ATP6V0E1: variants seen among roughly 807,000 people sequenced by gnomAD.
The protein encoded by ATP6V0E1 is ATPase H+ transporting V0 subunit e1.
In ATP6V0E1, 4 loss-of-function variants were observed where a neutral mutation model predicts 11.6. That is an observed-to-expected ratio of 0.35 (90% CI 0.17 to 0.79). The LOEUF (loss-of-function observed/expected upper bound fraction) is 0.79. ATP6V0E1 is among the 30% of genes least tolerant of loss of function. ATP6V0E1 has a pLI of 0.54. For missense variants in ATP6V0E1, 105 were observed against 100.0 expected, an observed-to-expected ratio of 1.05 and a Z score of -0.21; for synonymous variants, 36 against 34.8, an observed-to-expected ratio of 1.04 and a Z score of -0.13.
chr5:173,022,174 T>C (rs1260257252), intron 3 of ATP6V0E1, among the ~76,000 whole-genome samples: 1 of 152,246 alleles, frequency 6.6e-6, no homozygotes, highest in East Asian at 1.9e-4. Flanking sequence ...TTGTTTTCAT[T>C]ATTTTGTTAA....
intron 3 of ATP6V0E1, among the ~76,000 whole-genome samples, chr5:173,026,995 T>C (rs934159897): frequency 6.7e-6 from 1 of 149,146 alleles, no homozygotes; most frequent in Non-Finnish European, 1.5e-5. Context: ...GCTAACGCAG[T>C]GAAACCCCAT....
intron 3 of ATP6V0E1, 89 bp downstream of exon 3, chr5:173,020,456 A>G (rs1028859537): frequency 2.7e-6 from 2 of 753,104 alleles, no homozygotes; most frequent in Middle Eastern, 2.4e-4. Flanking sequence ...CCATTTTAAC[A>G]CGTGGCAAGG....
chr5:172,992,459 T>G (rs1369651379), intron 1 of ATP6V0E1, among the ~76,000 whole-genome samples: 3 of 152,240 alleles, frequency 2.0e-5, no homozygotes, highest in Non-Finnish European at 4.4e-5. Flanking sequence ...TTGCTCTGTG[T>G]CAGCCACACA....
chr5:172,997,745 G>A (rs112014188), intron 2 of ATP6V0E1, among the ~76,000 whole-genome samples: 108 of 151,860 alleles, frequency 7.1e-4, no homozygotes, highest in Admixed American at 3.2e-3. Context: ...CCCCGGAGGC[G>A]GAGCTTGCAG....
chr5:173,019,445 C>T (rs1304637537), intron 2 of ATP6V0E1, among the ~76,000 whole-genome samples: 2 of 151,952 alleles, frequency 1.3e-5, no homozygotes, highest in African/African-American at 4.8e-5. Context: ...GTCCCAGCTA[C>T]TCGGGAGGCT....
chr5:173,026,002 ATT>A (rs1050899722), intron 3 of ATP6V0E1, among the ~76,000 whole-genome samples: 1 of 144,004 alleles, frequency 6.9e-6, no homozygotes, highest in African/African-American at 2.6e-5. Context: ...AAATAATAAT[ATT>A]TTTTTTTTTT....
Position 173,003,986 on chromosome 5 carries a change from T to C in ATP6V0E1, c.152+9164T>C, listed in dbSNP as rs375209248. The stretch of plus-strand genomic sequence containing the variant: ...CCTGTACTGCACAGGACAGCCTCAC[T>C]TTCCCCTAGTGAAGAATTATGCAGC... On this transcript the variant is annotated intron_variant, in intron 2 of 3. Coordinates refer to ENST00000519374, the MANE Select transcript of ATP6V0E1 (RefSeq NM_003945.4). Among the ~76,000 whole-genome samples, 15 of 152,274 alleles carry C rather than the reference T, an allele frequency of 9.9e-5. No homozygotes were observed. In the East Asian group the frequency reaches 2.5e-3, roughly 26 times the overall value.
intron 1 of ATP6V0E1, among the ~76,000 whole-genome samples, chr5:172,985,138 G>A (rs1046820868): frequency 6.6e-6 from 1 of 151,588 alleles, no homozygotes; most frequent in East Asian, 1.9e-4. Flanking sequence ...CCAGCTACTC[G>A]GGAGGCTGAG....
chr5:173,019,573 A>G (rs960671156), intron 2 of ATP6V0E1, among the ~76,000 whole-genome samples: 2 of 151,968 alleles, frequency 1.3e-5, no homozygotes, highest in African/African-American at 4.8e-5. Context: ...AAAACCCTGA[A>G]GTAAGATGTG....
At chr5:172,988,349 GA>G (rs1354743394) in intron 1 of ATP6V0E1, among the ~76,000 whole-genome samples, 5 of 152,354 alleles carry the variant, frequency 3.3e-5, no homozygotes, top group Non-Finnish European at 7.3e-5. Flanking sequence ...CTCCTAGGAA[GA>G]GTTGCTATAA....
chr5:172,983,973 G>T lies in ATP6V0E1; in HGVS notation c.104+9G>T, dbSNP rs1156743825. 2.5e-6 allele frequency: 4 copies of T among 1,611,410 alleles called. No individual in the cohort carries two copies. Among genetic ancestry groups the T allele is most frequent in the Non-Finnish European group, 3.4e-6 (4 of 1,179,078 alleles). On this transcript the variant is annotated intron_variant, in intron 1 of 3. Coordinates refer to ENST00000519374, the MANE Select transcript of ATP6V0E1 (RefSeq NM_003945.4). ...AAGGGTCCTAACCGGGGGTAAGTGC[G>T]TGAGGCCCGCCTTGGGAGGAACGGG...
At position 172,994,781 on chromosome 5, in the gene ATP6V0E1, C is replaced by G. The variant is rs746297351; in HGVS notation, c.111C>G (p.Ile37Met). The change falls in exon 2 of 4, where the codon ATC (isoleucine) becomes ATG (methionine). Residue 37 changes from isoleucine (I) to methionine (M), a missense_variant. Transcript: ENST00000519374. Reference protein sequence around the residue: ...FIPKGPNRGVIITMLVTCSVC... With the variant: ...FIPKGPNRGVMITMLVTCSVC... Reference sequence around the variant, plus strand: ...CATTTTTTTTTTTTTTTAGAGTTATCATTACCATGTTGGTGACCTGTTCAG... The same window carrying G: ...CATTTTTTTTTTTTTTTAGAGTTATGATTACCATGTTGGTGACCTGTTCAG... 4.5e-6 allele frequency: 7 copies of G among 1,564,550 alleles called. No individual in the cohort carries two copies.
chr5:172,997,730 G>A (rs1034403150), intron 2 of ATP6V0E1, among the ~76,000 whole-genome samples: 18 of 151,756 alleles, frequency 1.2e-4, no homozygotes, highest in Middle Eastern at 6.8e-3. Flanking sequence ...GGAGAATGGC[G>A]TGAACCCCGG....
At chr5:172,988,279 G>A (rs1415340598) in intron 1 of ATP6V0E1, among the ~76,000 whole-genome samples, 2 of 152,154 alleles carry the variant, frequency 1.3e-5, no homozygotes, top group Admixed American at 6.6e-5. Context: ...TCTGGGTCCA[G>A]TTCACAGCCT....
intron 2 of ATP6V0E1, among the ~76,000 whole-genome samples, chr5:173,002,082 C>G (rs904698812): frequency 2.0e-5 from 3 of 152,182 alleles, no homozygotes; most frequent in African/African-American, 7.2e-5. Context: ...AAATGATCAA[C>G]TCATGGCCAA....
chr5:172,994,953 T>C, intron 2 of ATP6V0E1, 131 bp downstream of exon 2: 1 of 674,336 alleles, frequency 1.5e-6, no homozygotes, highest in Non-Finnish European at 2.5e-6. Context: ...TATCACACTT[T>C]TCATATGCTC....
chr5:173,017,037 C>G (rs1756410951), intron 2 of ATP6V0E1, among the ~76,000 whole-genome samples: 1 of 152,128 alleles, frequency 6.6e-6, no homozygotes, highest in South Asian at 2.1e-4. Flanking sequence ...GCTAATTCTC[C>G]AGCAATCTCT....
intron 2 of ATP6V0E1, 75 bp downstream of exon 2, chr5:172,994,897 C>T: frequency 8.7e-7 from 1 of 1,149,390 alleles, no homozygotes. Flanking sequence ...TTTATTGGAG[C>T]TCATCCCTCA....
At chr5:173,005,489 C>T (rs984315903) in intron 2 of ATP6V0E1, among the ~76,000 whole-genome samples, 3 of 152,212 alleles carry the variant, frequency 2.0e-5, no homozygotes, top group African/African-American at 4.8e-5. Flanking sequence ...GCTAGCATTA[C>T]AGGCATGAGC....
Sources: allele counts gnomAD v4.1 joint callset (sites outside exome capture counted in the v4.1 genomes callset), GRCh38; gene constraint gnomAD v4.1.1; transcripts MANE v1.5; gene names NCBI Gene and HGNC (gene_info 2026-07-23, HGNC 2026-07-21).